RALYL: variants seen among roughly 807,000 people sequenced by gnomAD.
RALYL encodes the protein RALY RNA binding protein like, also known as RNA-binding Raly-like protein.
Under a neutral mutation model 35.1 loss-of-function variants are expected in RALYL, and 29 were observed. The observed-to-expected ratio is 0.83, with a 90% CI of 0.61 to 1.13. The LOEUF is 1.13. RALYL is among the 50% of genes most tolerant of loss of function. The probability of loss-of-function intolerance (pLI) is 0.00; values close to 1 mark genes in which losing one functional copy is unlikely to be tolerated. For synonymous variants in RALYL, 120 were observed against 127.6 expected (o/e 0.94, Z 0.40); for missense variants, 359 against 360.4 (o/e 1.00, Z 0.03).
chr8:84,290,556 G>A (rs1838580222), intron 1 of RALYL, among the ~76,000 whole-genome samples: 1 of 152,146 alleles, frequency 6.6e-6, no homozygotes, highest in African/African-American at 2.4e-5. Flanking sequence ...GCCAGGAAAA[G>A]GACTTTCACA....
intron 1 of RALYL, among the ~76,000 whole-genome samples, chr8:84,367,764 T>C (rs1194036240): frequency 6.6e-6 from 1 of 152,134 alleles, no homozygotes; most frequent in Non-Finnish European, 1.5e-5. Context: ...TATTAGAATT[T>C]CACCCTGTCC....
intron 8 of RALYL, among the ~76,000 whole-genome samples, chr8:84,913,740 C>T (rs571371326): frequency 6.6e-6 from 1 of 151,854 alleles, no homozygotes; most frequent in African/African-American, 2.4e-5. Flanking sequence ...TTATATCCAG[C>T]ATAATTTGAG....
intron 2 of RALYL, among the ~76,000 whole-genome samples, chr8:84,676,655 A>T (rs1834251149): frequency 6.6e-6 from 1 of 152,184 alleles, no homozygotes; most frequent in Non-Finnish European, 1.5e-5. Flanking sequence ...GCTATATAAT[A>T]GCTGGTTATG....
At chr8:84,227,272 C>G (rs375426606) in intron 1 of RALYL, among the ~76,000 whole-genome samples, 2 of 151,756 alleles carry the variant, frequency 1.3e-5, no homozygotes, top group Admixed American at 6.6e-5. Flanking sequence ...GTTGGCCACA[C>G]TGGTCTTGAA....
intron 1 of RALYL, among the ~76,000 whole-genome samples, chr8:84,435,710 A>G (rs1450148083): frequency 6.6e-6 from 1 of 152,174 alleles, no homozygotes; most frequent in East Asian, 1.9e-4. Flanking sequence ...TCACTACCAT[A>G]CTCACCAAAG....
At chr8:84,805,226 A>ATATC (rs1210635053) in intron 4 of RALYL, among the ~76,000 whole-genome samples, 2 of 152,228 alleles carry the variant, frequency 1.3e-5, no homozygotes, top group East Asian at 3.9e-4. Context: ...TTCACAATCA[A>ATATC]TATCTATCTT....
intron 2 of RALYL, 25 bp from the exon 3 acceptor site, chr8:84,774,554 G>C (rs754714805): frequency 1.3e-6 from 2 of 1,482,638 alleles, no homozygotes; most frequent in Non-Finnish European, 1.9e-6. Context: ...TTCTTAATCA[G>C]TACTGTTTTA....
At chr8:84,417,743 C>T (rs1200245034) in intron 1 of RALYL, among the ~76,000 whole-genome samples, 1 of 152,044 alleles carries the variant, frequency 6.6e-6, no homozygotes, top group African/African-American at 2.4e-5. Context: ...GACAAAGAGA[C>T]ATGCCATTTT....
intron 2 of RALYL, among the ~76,000 whole-genome samples, chr8:84,658,936 GAAAAC>G (rs558703211): frequency 1.3e-5 from 2 of 151,914 alleles, no homozygotes; most frequent in Non-Finnish European, 2.9e-5. Flanking sequence ...CTCTCTAATA[GAAAAC>G]AAAACAAAAC....
Position 84,613,606 on chromosome 8 carries a change from A to C in RALYL, c.256+84029A>C, listed in dbSNP as rs1229845638. On this transcript the variant is annotated intron_variant, in intron 2 of 8. Coordinates refer to ENST00000521268, the MANE Select transcript of RALYL (RefSeq NM_173848.7). ...ATAAGTTATCCAAAGTCACACACTA[A>C]CTGAAGTAGGCAGAAATTCAATGTA... Among the ~76,000 whole-genome samples, 3 of 151,560 alleles carry C rather than the reference A, an allele frequency of 2.0e-5. No homozygotes were observed. In the East Asian group the frequency reaches 5.8e-4, roughly 29 times the overall value.
intron 1 of RALYL, among the ~76,000 whole-genome samples, chr8:84,420,306 G>A (rs1005823747): frequency 9.2e-5 from 14 of 152,094 alleles, no homozygotes; most frequent in Non-Finnish European, 2.1e-4. Context: ...CTGATGATGA[G>A]CATTTTTTCA....
intron 2 of RALYL, among the ~76,000 whole-genome samples, chr8:84,619,559 T>C (rs1200643917): frequency 6.8e-6 from 1 of 147,770 alleles, no homozygotes; most frequent in Non-Finnish European, 1.5e-5. Context: ...TTTGCCAGTC[T>C]GTGTCTTTTA....
chr8:84,686,532 G>C (rs1234720764), intron 2 of RALYL, among the ~76,000 whole-genome samples: 1 of 152,092 alleles, frequency 6.6e-6, no homozygotes, highest in East Asian at 1.9e-4. Flanking sequence ...AGCCTCCTGA[G>C]TGTTTGGGAT....
intron 1 of RALYL, among the ~76,000 whole-genome samples, chr8:84,302,513 A>G (rs1841000282): frequency 6.6e-6 from 1 of 152,140 alleles, no homozygotes; most frequent in South Asian, 2.1e-4. Context: ...CTTATCCCCA[A>G]GAGAGTTTAT....
At chr8:84,645,635 T>A (rs771155703) in intron 2 of RALYL, among the ~76,000 whole-genome samples, 1 of 152,124 alleles carries the variant, frequency 6.6e-6, no homozygotes, top group Non-Finnish European at 1.5e-5. Flanking sequence ...GGTCTGCTAG[T>A]AAAAATATGA....
chr8:84,289,228 C>T (rs867899874), intron 1 of RALYL, among the ~76,000 whole-genome samples: 20 of 152,070 alleles, frequency 1.3e-4, no homozygotes, highest in African/African-American at 4.6e-4. Context: ...AGATGGCTGC[C>T]AGGTCCTTGA....
At chr8:84,848,415 GTA>G (rs201197372) in intron 4 of RALYL, among the ~76,000 whole-genome samples, 13 of 144,766 alleles carry the variant, frequency 9.0e-5, no homozygotes, top group African/African-American at 1.7e-4. Flanking sequence ...ATATGTGTGT[GTA>G]TATATATATG....
At chr8:84,541,680 G>A (rs2135258353) in intron 2 of RALYL, among the ~76,000 whole-genome samples, 1 of 152,022 alleles carries the variant, frequency 6.6e-6, no homozygotes, top group East Asian at 1.9e-4. Context: ...TACGATTATG[G>A]ATCTTTCTGT....
At chr8:84,502,194 T>C (rs1200057849) in intron 1 of RALYL, among the ~76,000 whole-genome samples, 2 of 152,026 alleles carry the variant, frequency 1.3e-5, no homozygotes, top group African/African-American at 4.8e-5. Context: ...TATGTGTACA[T>C]GACAATTAGC....
Sources: allele counts gnomAD v4.1 joint callset (sites outside exome capture counted in the v4.1 genomes callset), GRCh38; gene constraint gnomAD v4.1.1; transcripts MANE v1.5; gene names NCBI Gene and HGNC (gene_info 2026-07-23, HGNC 2026-07-21).